The following FCRL1 variants were observed in gnomAD, a reference collection of about 807,000 sequenced individuals.
FCRL1 encodes the protein Fc receptor-like protein 1.
Under a neutral mutation model 49.2 loss-of-function variants are expected in FCRL1, and 34 were observed. That is an observed-to-expected ratio of 0.69 (90% CI 0.53 to 0.92). The LOEUF (loss-of-function observed/expected upper bound fraction) is 0.92. Ranked by LOEUF, FCRL1 falls within the 40% of genes least tolerant of loss-of-function variation. The pLI is 0.00. For missense variants in FCRL1, 524 were observed against 524.1 expected (o/e 1.00, Z 0.00); for synonymous variants, 218 against 201.6 (o/e 1.08, Z -0.69).
At chr1:157,807,019 G>A in intron 2 of FCRL1, 83 bp downstream of exon 2, 1 of 1,507,480 alleles carries the variant, frequency 6.6e-7, no homozygotes, top group South Asian at 1.2e-5. Context: ...GGGCTGCTAA[G>A]ACAGCAATCT....
intron 6 of FCRL1, among the ~76,000 whole-genome samples, chr1:157,800,941 G>A (rs1245641949): frequency 3.3e-5 from 5 of 152,014 alleles, no homozygotes; most frequent in Non-Finnish European, 5.9e-5. Flanking sequence ...CACCAGGCTA[G>A]AGTGCAGTGC....
At chr1:157,798,038 G>C in intron 8 of FCRL1, 99 bp from the exon 9 acceptor site, 1 of 1,502,698 alleles carries the variant, frequency 6.7e-7, no homozygotes, top group Non-Finnish European at 9.2e-7. Flanking sequence ...AGACAGATGA[G>C]TCATTTGTTT....
Position 157,795,828 on chromosome 1 carries a change from A to G in FCRL1, c.*271T>C, listed in dbSNP as rs1651381204. On this transcript the variant is annotated 3_prime_UTR_variant, in exon 11 of 11. Coordinates refer to ENST00000368176, the MANE Select transcript of FCRL1 (RefSeq NM_052938.5). Reference sequence around the variant, plus strand: ...CATCTTGTTTCCTCTTGTAAACAGAAGAGCACAATATGACCTGTTTTCAAA... The same window carrying G: ...CATCTTGTTTCCTCTTGTAAACAGAGGAGCACAATATGACCTGTTTTCAAA... 1 of 355,896 alleles carries G rather than the reference A, an allele frequency of 2.8e-6. No homozygotes were observed. The highest frequency in any genetic ancestry group is 4.4e-5 in the East Asian group (1 of 22,524). 22.0% of individuals were successfully genotyped at this position (355,896 alleles called of 1,614,324 possible).
intron 1 of FCRL1, among the ~76,000 whole-genome samples, chr1:157,809,976 TAGAA>T (rs144432401): frequency 0.04 from 6,013 of 152,212 alleles, 374 homozygotes; most frequent in African/African-American, 0.14. Flanking sequence ...GATACTGAAT[TAGAA>T]AGAAAGCCAG....
chr1:157,817,028 T>C (rs2101910788), intron 1 of FCRL1, among the ~76,000 whole-genome samples: 1 of 152,052 alleles, frequency 6.6e-6, no homozygotes, highest in Non-Finnish European at 1.5e-5. Flanking sequence ...AATTGAAAGA[T>C]ATCACATGTT....
chr1:157,816,683 T>TAG (rs1553220656), intron 1 of FCRL1, among the ~76,000 whole-genome samples: 1 of 151,730 alleles, frequency 6.6e-6, no homozygotes, highest in Non-Finnish European at 1.5e-5. Flanking sequence ...ATCTTATATA[T>TAG]AGAAAACTCT....
At chr1:157,819,688 G>A (rs888483597) in intron 1 of FCRL1, among the ~76,000 whole-genome samples, 1 of 152,042 alleles carries the variant, frequency 6.6e-6, no homozygotes, top group African/African-American at 2.4e-5. Context: ...GAATTCAGAG[G>A]CCTATTTATT....
intron 2 of FCRL1, among the ~76,000 whole-genome samples, chr1:157,806,465 TA>T (rs1653467992): frequency 6.6e-6 from 1 of 152,216 alleles, no homozygotes; most frequent in South Asian, 2.1e-4. Flanking sequence ...AGGGATTGCT[TA>T]CTCTCCTTCT....
chr1:157,804,005 G>A lies in FCRL1; in HGVS notation c.159C>T (p.Cys53=). The A allele has an allele frequency of 6.2e-7, 1 of 1,614,194 alleles. No individual in the cohort carries two copies. Among genetic ancestry groups the A allele is most frequent in the Non-Finnish European group, 8.5e-7 (1 of 1,180,036 alleles). The change falls in exon 3 of 11, where the codon TGC becomes TGT. Residue 53 remains cysteine, a synonymous_variant. Coordinates refer to ENST00000368176, the MANE Select transcript of FCRL1 (RefSeq NM_052938.5). ...LQSSDAQFQF[C]FFRDTRALGP... is the part of the protein sequence containing the mutation. The stretch of plus-strand genomic sequence containing the variant: ...CCAAGGCCCGGGTGTCTCTGAAAAA[G>A]CAGAACTGGAACTGGGCATCTGAAC...
Position 157,804,004 on chromosome 1 carries a change from A to G in FCRL1, c.160T>C (p.Phe54Leu), listed in dbSNP as rs868435437. The change falls in exon 3 of 11, where the codon TTT (phenylalanine) becomes CTT (leucine). Residue 54 changes from phenylalanine (F) to leucine (L), a missense_variant. By Grantham distance (22) the Phe-to-Leu change is conservative. Transcript: ENST00000368176. ...QSSDAQFQFC[F>L]FRDTRALGPG... ...CCCAAGGCCCGGGTGTCTCTGAAAA[A>G]GCAGAACTGGAACTGGGCATCTGAA... 2 of 1,614,226 alleles carry G rather than the reference A, an allele frequency of 1.2e-6. No individual in the cohort carries two copies. The highest frequency in any genetic ancestry group is 1.7e-6 in the Non-Finnish European group (2 of 1,180,046).
rs1443178163 is a variant in FCRL1, at chr1:157,801,452, A to T, written c.1003+9T>A. The T allele has an allele frequency of 6.4e-7, 1 of 1,559,608 alleles. No individual in the cohort carries two copies. Among genetic ancestry groups the T allele is most frequent in the African/African-American group, 1.4e-5 (1 of 73,706 alleles). On this transcript the variant is annotated intron_variant, in intron 6 of 10. Coordinates refer to ENST00000368176, the MANE Select transcript of FCRL1 (RefSeq NM_052938.5). Reference sequence around the variant, plus strand: ...CAGTAACAAAATGCCACTCTCTTTAAATACTAACCTATTTTTCTTTTGAGG... The same window carrying T: ...CAGTAACAAAATGCCACTCTCTTTATATACTAACCTATTTTTCTTTTGAGG...
chr1:157,816,766 C>T (rs1392775322), intron 1 of FCRL1, among the ~76,000 whole-genome samples: 1 of 149,092 alleles, frequency 6.7e-6, no homozygotes, highest in Admixed American at 6.7e-5. Context: ...AGCAACTTCA[C>T]TGATGAAGTT....
At chr1:157,803,308 T>G (rs1652843327) in intron 3 of FCRL1, among the ~76,000 whole-genome samples, 1 of 152,176 alleles carries the variant, frequency 6.6e-6, no homozygotes, top group Admixed American at 6.5e-5. Flanking sequence ...GGAGAGGATG[T>G]TGGAAGTGTC....
At chr1:157,798,112 C>T (rs375306547) in intron 8 of FCRL1, 49 bp downstream of exon 8, 424 of 1,573,662 alleles carry the variant, frequency 2.7e-4, no homozygotes, top group Non-Finnish European at 3.6e-4. Flanking sequence ...ATTGTCCCTT[C>T]CCTAGCTTGC....
chr1:157,799,681 A>G (rs962970900), intron 7 of FCRL1, among the ~76,000 whole-genome samples: 2 of 152,006 alleles, frequency 1.3e-5, no homozygotes, highest in African/African-American at 2.4e-5. Context: ...TAGGAGATAT[A>G]CCTAATGCTA....
At chr1:157,809,170 G>T (rs2101879348) in intron 1 of FCRL1, among the ~76,000 whole-genome samples, 1 of 152,246 alleles carries the variant, frequency 6.6e-6, no homozygotes, top group Non-Finnish European at 1.5e-5. Context: ...GCTTAAAGTG[G>T]CACATGAAGT....
At chr1:157,818,563 T>A in intron 1 of FCRL1, among the ~76,000 whole-genome samples, 1 of 151,982 alleles carries the variant, frequency 6.6e-6, no homozygotes, top group East Asian at 1.9e-4. Context: ...CAGTTAGATA[T>A]GGGGTGTGTG....
intron 1 of FCRL1, among the ~76,000 whole-genome samples, chr1:157,807,342 C>G (rs1653644467): frequency 6.6e-6 from 1 of 151,976 alleles, no homozygotes; most frequent in Admixed American, 6.6e-5. Flanking sequence ...TTTCTTCTTT[C>G]TCTCTGCTCC....
At position 157,802,619 on chromosome 1, in the gene FCRL1, C is replaced by G; in HGVS notation, c.365G>C (p.Gly122Ala). 1 of 1,614,096 alleles carries G rather than the reference C, an allele frequency of 6.2e-7. No individual in the cohort carries two copies. Among genetic ancestry groups the G allele is most frequent in the Non-Finnish European group, 8.5e-7 (1 of 1,180,004 alleles). Residue 122 changes from glycine (G) to alanine (A), a missense_variant, in exon 4 of 11, where the codon GGA becomes GCA. Transcript: ENST00000368176. ...DVSLETQPPG[G>A]QVMEGDRLVL... is the part of the protein sequence containing the mutation. ...CAGCCTGTCTCCCTCCATCACCTGT[C>G]CTCCTGGGGGCTGAGTCTCCAAGCT...
Sources: allele counts gnomAD v4.1 joint callset (sites outside exome capture counted in the v4.1 genomes callset), GRCh38; gene constraint gnomAD v4.1.1; transcripts MANE v1.5; gene names NCBI Gene and HGNC (gene_info 2026-07-23, HGNC 2026-07-21).